The following GABRA3 variants were observed in gnomAD, a reference collection of about 807,000 sequenced individuals.
The protein encoded by GABRA3 is gamma-aminobutyric acid type A receptor subunit alpha3.
In GABRA3, 10 loss-of-function variants were observed where a neutral mutation model predicts 30.1. The ratio of observed to expected loss-of-function variants is 0.33; its 90% CI spans 0.20 to 0.56. GABRA3 has a LOEUF of 0.56. GABRA3 is among the 20% of genes least tolerant of loss of function. The pLI, the probability that GABRA3 is intolerant of heterozygous loss-of-function variation, is 0.89. For synonymous variants in GABRA3, 151 were observed against 146.8 expected (o/e 1.03, Z -0.21); for missense variants, 233 against 392.0 (o/e 0.59, Z 3.42).
At position 152,372,593 on chromosome X, in the gene GABRA3, G is replaced by A. The variant is rs192049534; in HGVS notation, c.-26-7997C>T. Among the ~76,000 whole-genome samples the A allele has an allele frequency of 3.0e-4, 34 of 111,547 alleles. 1 individual carries two copies. The highest frequency in any genetic ancestry group is 2.2e-3 in the Admixed American group (23 of 10,461). On this transcript the variant is annotated intron_variant, in intron 1 of 9. Transcript: ENST00000370314. ...ATAGAGTAGAGCCTAGCACATGACT[G>A]TTACTCAATAAAATATTTGTTGGAA...
chrX:152,241,125 G>T (rs767806339), intron 5 of GABRA3, among the ~76,000 whole-genome samples: 11 of 104,538 alleles, frequency 1.1e-4, no homozygotes, highest in South Asian at 9.0e-4. Context: ...CCATCTTTGT[G>T]GTTTTATCTA....
chrX:152,224,378 C>T lies in GABRA3; in HGVS notation c.634+385G>A, dbSNP rs146816781. On this transcript the variant is annotated intron_variant, in intron 6 of 9. Coordinates refer to ENST00000370314, the MANE Select transcript of GABRA3 (RefSeq NM_000808.4). ...AGTATATGAAGATGCAGGTAGAATACGCACTTCAAAAAATCTAACCACATT... is the reference window on the plus strand; with the variant it reads ...AGTATATGAAGATGCAGGTAGAATATGCACTTCAAAAAATCTAACCACATT... 3.3e-3 allele frequency among the ~76,000 whole-genome samples: 370 copies of T among 111,783 alleles called. 5 individuals are homozygous for T. The highest frequency in any genetic ancestry group is 0.011 in the African/African-American group (352 of 30,826).
chrX:152,227,914 C>T (rs1937995745), intron 5 of GABRA3, among the ~76,000 whole-genome samples: 1 of 111,278 alleles, frequency 9.0e-6, no homozygotes, highest in Non-Finnish European at 1.9e-5. Context: ...CCTCAGTAAT[C>T]TTTAAGTCAT....
At chrX:152,404,563 G>A (rs758142275) in intron 1 of GABRA3, among the ~76,000 whole-genome samples, 12 of 110,269 alleles carry the variant, frequency 1.1e-4, no homozygotes, top group South Asian at 3.9e-4. Flanking sequence ...ATCACCAGCA[G>A]TGAAAGAGGA....
At chrX:152,275,216 A>ATATATATTTAATAT (rs1569378243) in intron 4 of GABRA3, among the ~76,000 whole-genome samples, 707 of 49,435 alleles carry the variant, frequency 0.014, 42 homozygotes, top group African/African-American at 0.085. Flanking sequence ...ATATAATATT[A>ATATATATTTAATAT]TATATATATA....
intron 1 of GABRA3, among the ~76,000 whole-genome samples, chrX:152,399,401 T>C (rs1929738067): frequency 9.0e-6 from 1 of 111,438 alleles, no homozygotes; most frequent in Non-Finnish European, 1.9e-5. Flanking sequence ...GAGTAGGAAC[T>C]GGTGAAGCTC....
intron 5 of GABRA3, among the ~76,000 whole-genome samples, chrX:152,226,378 T>A (rs775052907): frequency 1.3e-4 from 14 of 111,475 alleles, no homozygotes; most frequent in African/African-American, 4.2e-4. Context: ...TCACAGTATG[T>A]TACACCTTCT....
chrX:152,258,984 A>C (rs1330117556), intron 4 of GABRA3, among the ~76,000 whole-genome samples: 1 of 111,751 alleles, frequency 8.9e-6, no homozygotes, highest in Non-Finnish European at 1.9e-5. Flanking sequence ...AGGTAGGAAA[A>C]ACAGTCTTGA....
chrX:152,301,474 A>T (rs926373755), intron 3 of GABRA3, among the ~76,000 whole-genome samples: 1 of 112,074 alleles, frequency 8.9e-6, no homozygotes, highest in African/African-American at 3.2e-5. Context: ...TCCCTTTTTA[A>T]ATTCTTTAAA....
At chrX:152,222,595 T>C (rs1331684622) in intron 6 of GABRA3, among the ~76,000 whole-genome samples, 2 of 110,084 alleles carry the variant, frequency 1.8e-5, no homozygotes, top group Admixed American at 9.8e-5. Context: ...TTAGGTCTCA[T>C]GGGCCTGCCT....
intron 5 of GABRA3, among the ~76,000 whole-genome samples, chrX:152,226,077 T>G (rs1020965252): frequency 9.0e-6 from 1 of 111,643 alleles, no homozygotes; most frequent in Admixed American, 9.5e-5. Context: ...GGAAGTGTTT[T>G]GTTGAGGCAA....
intron 1 of GABRA3, among the ~76,000 whole-genome samples, chrX:152,407,307 TAAAC>T (rs1929961604): frequency 9.1e-6 from 1 of 110,030 alleles, no homozygotes; most frequent in African/African-American, 3.3e-5. Flanking sequence ...TTTAAAAAAA[TAAAC>T]AAAATCAACA....
intron 7 of GABRA3, among the ~76,000 whole-genome samples, chrX:152,204,069 G>T (rs755432263): frequency 3.9e-4 from 44 of 111,697 alleles, no homozygotes; most frequent in African/African-American, 1.4e-3. Flanking sequence ...AGGGTTGATA[G>T]ATCAATAAAT....
At chrX:152,228,243 T>C (rs1185380903) in intron 5 of GABRA3, among the ~76,000 whole-genome samples, 6 of 111,836 alleles carry the variant, frequency 5.4e-5, no homozygotes, top group Non-Finnish European at 5.7e-5. Context: ...TCAGACAGCA[T>C]TGACATGTTT....
intron 5 of GABRA3, among the ~76,000 whole-genome samples, chrX:152,240,553 T>C (rs1457704373): frequency 1.1e-5 from 1 of 90,711 alleles, no homozygotes; most frequent in Non-Finnish European, 2.0e-5. Context: ...CCTTGCTAGA[T>C]TGGGGAAGTT....
chrX:152,272,941 C>T (rs757222122), intron 4 of GABRA3, among the ~76,000 whole-genome samples: 12 of 111,397 alleles, frequency 1.1e-4, no homozygotes, highest in Admixed American at 1.9e-4. Flanking sequence ...CCCAGTCATG[C>T]GGAACTGTGA....
intron 1 of GABRA3, among the ~76,000 whole-genome samples, chrX:152,380,030 G>C (rs747021970): frequency 2.0e-4 from 22 of 110,831 alleles, no homozygotes; most frequent in African/African-American, 1.3e-4. Context: ...GTGATGTTTT[G>C]ATATACATAT....
chrX:152,191,104 T>C (rs896480491), intron 8 of GABRA3, among the ~76,000 whole-genome samples: 11 of 110,053 alleles, frequency 1.0e-4, no homozygotes, highest in African/African-American at 3.3e-5. Flanking sequence ...ATACATAAAG[T>C]CTATAGTATA....
chrX:152,254,038 C>T (rs781047901), intron 5 of GABRA3, among the ~76,000 whole-genome samples: 1 of 111,712 alleles, frequency 9.0e-6, no homozygotes, highest in East Asian at 2.8e-4. Flanking sequence ...TGCTATTATC[C>T]TATTAGTCTT....
Sources: allele counts gnomAD v4.1 joint callset (sites outside exome capture counted in the v4.1 genomes callset), GRCh38; gene constraint gnomAD v4.1.1; transcripts MANE v1.5; gene names NCBI Gene and HGNC (gene_info 2026-07-23, HGNC 2026-07-21).